The following CUX1 variants were observed in gnomAD, a reference collection of about 807,000 sequenced individuals.
The protein encoded by CUX1 is cut like homeobox 1.
Under a neutral mutation model 158.8 loss-of-function variants are expected in CUX1, and 31 were observed. The observed-to-expected ratio is 0.20, with a 90% CI of 0.15 to 0.26. CUX1 has a LOEUF of 0.26. Among genes scored for constraint, CUX1 ranks in the 10% least tolerant of loss-of-function variants. The pLI, the probability that CUX1 is intolerant of heterozygous loss-of-function variation, is 1.00. For missense variants in CUX1, 1,589 were observed against 2,014.6 expected, an observed-to-expected ratio of 0.79 and a Z score of 4.04; for synonymous variants, 879 against 862.1, an observed-to-expected ratio of 1.02 and a Z score of -0.34.
chr7:102,277,540 G>C (rs1215818843), intron 17 of CUX1, among the ~76,000 whole-genome samples: 1 of 151,916 alleles, frequency 6.6e-6, no homozygotes, highest in African/African-American at 2.4e-5. Flanking sequence ...AGGTTGCAGT[G>C]AGCCGAGATT....
chr7:102,080,474 C>T (rs1329826158), intron 4 of CUX1, among the ~76,000 whole-genome samples: 1 of 152,172 alleles, frequency 6.6e-6, no homozygotes. Context: ...GCGTCTGCCG[C>T]ATTGTGATGT....
At chr7:102,127,951 G>A (rs1050517821) in intron 8 of CUX1, among the ~76,000 whole-genome samples, 5 of 152,202 alleles carry the variant, frequency 3.3e-5, no homozygotes, top group Non-Finnish European at 7.3e-5. Flanking sequence ...AGATTTAAGC[G>A]ATTCTTCTGC....
chr7:102,097,646 C>T (rs1402641282), intron 5 of CUX1, 145 bp downstream of exon 5: 18 of 832,478 alleles, frequency 2.2e-5, no homozygotes, highest in Admixed American at 1.3e-4. Flanking sequence ...GAATCTGAGT[C>T]GTTAAAGAGA....
Position 102,254,299 on chromosome 7 carries a change from A to G in CUX1, c.*5257A>G. 3 of 985,278 alleles carry G rather than the reference A, an allele frequency of 3.0e-6. No individual in the cohort carries two copies. Among genetic ancestry groups the G allele is most frequent in the Non-Finnish European group, 3.6e-6 (3 of 829,932 alleles). The allele number at this position is 985,278 out of a possible 1,614,324, so 61.0% of individuals were successfully genotyped here. On this transcript the variant is annotated 3_prime_UTR_variant, in exon 24 of 24. Transcript: ENST00000292535. The stretch of plus-strand genomic sequence containing the variant: ...ATTATCCTTGTCCCGGACTGCCCCA[A>G]AGTTCCCAGCTGGCTTTGGGGAACA...
rs1554540237 is a variant in CUX1 at position 102,251,884 on chromosome 7, G to C, written c.*2842G>C. ...AAATCTGAGGAAATTGACAAATACAGATTTGTCCATTCTAGTGGCCAAACA... is the reference window on the plus strand; with the variant it reads ...AAATCTGAGGAAATTGACAAATACACATTTGTCCATTCTAGTGGCCAAACA... On this transcript the variant is annotated 3_prime_UTR_variant, in exon 24 of 24. Coordinates refer to ENST00000292535, the MANE Select transcript of CUX1 (RefSeq NM_181552.4). 18 of 985,194 alleles carry C rather than the reference G, an allele frequency of 1.8e-5. No individual in the cohort carries two copies. The highest frequency in any genetic ancestry group is 2.2e-5 in the Non-Finnish European group (18 of 829,842). 61.0% of individuals were successfully genotyped at this position (985,194 alleles called of 1,614,324 possible).
intron 2 of CUX1, among the ~76,000 whole-genome samples, chr7:101,951,655 G>A (rs1246804733): frequency 6.6e-6 from 1 of 151,992 alleles, no homozygotes; most frequent in East Asian, 1.9e-4. Context: ...ACAGGCGTCC[G>A]CCACCACACC....
At chr7:102,076,317 G>A (rs1826715474) in intron 4 of CUX1, among the ~76,000 whole-genome samples, 1 of 151,984 alleles carries the variant, frequency 6.6e-6, no homozygotes, top group African/African-American at 2.4e-5. Flanking sequence ...CCCAAGAGGT[G>A]GAGGTTGCAG....
chr7:102,026,831 A>C (rs1183013633), intron 2 of CUX1, among the ~76,000 whole-genome samples: 7 of 150,496 alleles, frequency 4.7e-5, no homozygotes, highest in African/African-American at 1.2e-4. Flanking sequence ...AAAAAAAAAA[A>C]AAAAAAAAAA....
At chr7:101,980,181 C>T (rs928762492) in intron 2 of CUX1, among the ~76,000 whole-genome samples, 3 of 152,124 alleles carry the variant, frequency 2.0e-5, no homozygotes, top group Non-Finnish European at 4.4e-5. Flanking sequence ...GTCCCCAGGG[C>T]AGTGATGCCA....
At chr7:102,147,692 A>G (rs1835168818) in intron 8 of CUX1, among the ~76,000 whole-genome samples, 1 of 152,196 alleles carries the variant, frequency 6.6e-6, no homozygotes, top group Admixed American at 6.5e-5. Flanking sequence ...CAGGTATCAC[A>G]GGTGTCATTA....
chr7:101,960,069 G>A (rs1390342384), intron 2 of CUX1: 1 of 152,152 alleles, frequency 6.6e-6, no homozygotes, highest in East Asian at 1.9e-4. Flanking sequence ...TGGTTGGTTG[G>A]GGCGGCCTCC....
chr7:101,882,948 G>T (rs143146033), intron 1 of CUX1, among the ~76,000 whole-genome samples: 265 of 152,274 alleles, frequency 1.7e-3, no homozygotes, highest in African/African-American at 6.2e-3. Flanking sequence ...CTAAGGCCCT[G>T]CTGGTTCTGC....
chr7:102,199,796 T>A (rs1327349827), intron 16 of CUX1, among the ~76,000 whole-genome samples: 1 of 152,218 alleles, frequency 6.6e-6, no homozygotes, highest in African/African-American at 2.4e-5. Context: ...TATATATGGA[T>A]TAAATGATCG....
At position 102,239,460 on chromosome 7, in the gene CUX1, G is replaced by T; in HGVS notation, c.3763G>T (p.Glu1255Ter). Residue 1255 changes from glutamate (E) to a stop codon, truncating the protein, a stop_gained, in exon 23 of 24, where the codon GAG becomes TAG. Transcript: ENST00000292535. LOFTEE classifies it high-confidence loss of function. ...KKPRVVLAPE[E>*]KEALKRAYQQ... is the part of the protein sequence containing the mutation. ...ACCCCGGGTGGTGCTGGCTCCGGAG[G>T]AGAAGGAGGCGCTGAAACGAGCGTA... is the stretch of plus-strand genomic sequence containing the variant. 6.2e-7 allele frequency: 1 copy of T among 1,614,056 alleles called. No individual in the cohort carries two copies. Among genetic ancestry groups the T allele is most frequent in the Non-Finnish European group, 8.5e-7 (1 of 1,179,944 alleles).
intron 2 of CUX1, among the ~76,000 whole-genome samples, chr7:102,016,138 G>A (rs1818556024): frequency 6.6e-6 from 1 of 152,122 alleles, no homozygotes. Flanking sequence ...AGTAGAGATG[G>A]GGTCTGGTTA....
At chr7:102,030,138 A>G (rs1052454705) in intron 3 of CUX1, among the ~76,000 whole-genome samples, 2 of 152,012 alleles carry the variant, frequency 1.3e-5, no homozygotes, top group African/African-American at 4.8e-5. Flanking sequence ...CAGCCTCCCA[A>G]GTAGCTGGGA....
At chr7:102,134,880 G>A (rs1833725953) in intron 8 of CUX1, among the ~76,000 whole-genome samples, 1 of 152,174 alleles carries the variant, frequency 6.6e-6, no homozygotes, top group Non-Finnish European at 1.5e-5. Flanking sequence ...ACAGACAGGA[G>A]TCACAGCGCC....
At chr7:102,027,540 T>C (rs1449341843) in intron 2 of CUX1, among the ~76,000 whole-genome samples, 1 of 152,056 alleles carries the variant, frequency 6.6e-6, no homozygotes, top group African/African-American at 2.4e-5. Context: ...AAATGAGGTA[T>C]ATGTGACCAG....
At chr7:102,240,140 G>T (rs1800032913) in intron 23 of CUX1, among the ~76,000 whole-genome samples, 1 of 152,156 alleles carries the variant, frequency 6.6e-6, no homozygotes, top group African/African-American at 2.4e-5. Flanking sequence ...GGTGGTATCT[G>T]CCATGACCCA....
Sources: gnomAD v4.1 joint callset for allele counts (sites outside exome capture counted in the v4.1 genomes callset) on GRCh38, gnomAD v4.1.1 for gene constraint, MANE v1.5 for transcripts, NCBI Gene and HGNC (gene_info 2026-07-23, HGNC 2026-07-21) for gene names.